Variants in NLGN4X observed in about 807,000 individuals in gnomAD.
NLGN4X encodes the protein neuroligin-4, X-linked.
A neutral mutation model predicts 40.3 loss-of-function variants in NLGN4X; 3 were observed. The observed-to-expected ratio is 0.07, with a 90% CI of 0.03 to 0.19. The LOEUF is 0.19. Among genes scored for constraint, NLGN4X ranks in the 10% least tolerant of loss-of-function variants. NLGN4X has a pLI of 1.00. For synonymous variants in NLGN4X, 270 were observed against 306.8 expected (o/e 0.88, Z 1.25); for missense variants, 382 against 708.3 (o/e 0.54, Z 5.23).
chrX:6,160,898 A>G (rs2040372983), intron 1 of NLGN4X, among the ~76,000 whole-genome samples: 1 of 103,718 alleles, frequency 9.6e-6, no homozygotes. Flanking sequence ...ATAATATAAA[A>G]TATATTATTC....
chrX:6,215,081 T>C (rs1185129221), intron 1 of NLGN4X, among the ~76,000 whole-genome samples: 1 of 112,217 alleles, frequency 8.9e-6, no homozygotes, highest in Non-Finnish European at 1.9e-5. Context: ...TCTGTTTAAA[T>C]CGCTGCTGCA....
At chrX:6,051,342 C>A (rs556983154) in intron 2 of NLGN4X, among the ~76,000 whole-genome samples, 1 of 111,567 alleles carries the variant, frequency 9.0e-6, no homozygotes, top group African/African-American at 3.3e-5. Flanking sequence ...GAAAGCAAAA[C>A]CATGGATAAA....
chrX:6,077,268 TTTTGTGTGTGTGTG>T (rs1406575793), intron 2 of NLGN4X, among the ~76,000 whole-genome samples: 1 of 99,382 alleles, frequency 1.0e-5, no homozygotes, highest in African/African-American at 3.6e-5. Flanking sequence ...CAAAATTTTA[TTTTGTGTGTGTGTG>T]TGTGTGTGTG....
intron 2 of NLGN4X, among the ~76,000 whole-genome samples, chrX:6,082,687 G>T (rs1050354360): frequency 1.8e-5 from 2 of 110,744 alleles, no homozygotes; most frequent in Non-Finnish European, 3.8e-5. Context: ...TGAATGACTG[G>T]GATCTTCCCA....
At chrX:6,196,589 A>G (rs1289472543) in intron 1 of NLGN4X, among the ~76,000 whole-genome samples, 2 of 98,210 alleles carry the variant, frequency 2.0e-5, no homozygotes, top group East Asian at 3.1e-4. Context: ...AAAGTGTCTC[A>G]TGTGTAGTCA....
At chrX:6,215,204 T>A (rs748657618) in intron 1 of NLGN4X, among the ~76,000 whole-genome samples, 1 of 112,298 alleles carries the variant, frequency 8.9e-6, no homozygotes, top group Non-Finnish European at 1.9e-5. Flanking sequence ...AGCAGATATG[T>A]TAAAAATTGG....
In NLGN4X at chrX:6,151,421, G is replaced by A. The variant is rs1289752129; in HGVS notation, c.46C>T (p.Pro16Ser). Residue 16 changes from proline (P) to serine (S), a missense_variant, in exon 2 of 6, where the codon CCG becomes TCG. By Grantham distance (74) the Pro-to-Ser change is moderately conservative (BLOSUM62 -1). Coordinates refer to ENST00000381095, the MANE Select transcript of NLGN4X (RefSeq NM_181332.3). ...TTGGAGTTTAACATGACGCAGACCG[G>A]GGTGAACAACAAAGGAAGCCATAGC... The part of the protein sequence containing the change: ...GLLWLPLLFT[P>S]VCVMLNSNVL... 4 of 1,209,660 alleles carry A rather than the reference G, an allele frequency of 3.3e-6. No homozygotes were observed. Among genetic ancestry groups the A allele is most frequent in the Non-Finnish European group, 4.5e-6 (4 of 895,078 alleles).
intron 5 of NLGN4X, among the ~76,000 whole-genome samples, chrX:5,899,166 A>T (rs928970110): frequency 4.4e-5 from 5 of 112,437 alleles, no homozygotes; most frequent in African/African-American, 1.6e-4. Context: ...CATTTGAGTC[A>T]TTCTAATACC....
At chrX:5,902,489 C>A (rs989036294) in intron 5 of NLGN4X, among the ~76,000 whole-genome samples, 2 of 109,578 alleles carry the variant, frequency 1.8e-5, no homozygotes, top group Non-Finnish European at 3.8e-5. Context: ...TATACTCCAG[C>A]CTAGGCAACA....
At chrX:6,134,003 A>C (rs1469652757) in intron 2 of NLGN4X, among the ~76,000 whole-genome samples, 3 of 111,487 alleles carry the variant, frequency 2.7e-5, no homozygotes, top group Non-Finnish European at 3.8e-5. Context: ...TAAACCCTTC[A>C]CAAAAACAGC....
intron 1 of NLGN4X, among the ~76,000 whole-genome samples, chrX:6,221,430 T>TATATATATATATATA (rs1925700370): frequency 1.3e-4 from 12 of 91,932 alleles, no homozygotes; most frequent in Non-Finnish European, 1.3e-4. Flanking sequence ...TATATATATA[T>TATATATATATATATA]TTGCTTTTAT....
At chrX:6,049,794 T>G (rs1846408329) in intron 2 of NLGN4X, among the ~76,000 whole-genome samples, 1 of 105,170 alleles carries the variant, frequency 9.5e-6, no homozygotes, top group Admixed American at 1.0e-4. Flanking sequence ...TAATGCCAAG[T>G]AAATTTTTTA....
intron 2 of NLGN4X, among the ~76,000 whole-genome samples, chrX:6,060,270 T>C (rs1002349646): frequency 8.9e-6 from 1 of 111,919 alleles, no homozygotes; most frequent in African/African-American, 3.2e-5. Flanking sequence ...GTTATTTCCA[T>C]AATGAGGATG....
chrX:6,062,911 G>A (rs568378836), intron 2 of NLGN4X, among the ~76,000 whole-genome samples: 2 of 110,929 alleles, frequency 1.8e-5, no homozygotes, highest in African/African-American at 6.6e-5. Flanking sequence ...GGCAGCTTGA[G>A]AACAGACTAA....
intron 3 of NLGN4X, among the ~76,000 whole-genome samples, chrX:5,918,404 C>T (rs1014147138): frequency 3.6e-5 from 4 of 111,596 alleles, no homozygotes; most frequent in African/African-American, 6.5e-5. Context: ...ATATATTAGA[C>T]GAATTAGAAC....
chrX:6,116,478 C>T (rs1475904007), intron 2 of NLGN4X, among the ~76,000 whole-genome samples: 3 of 76,007 alleles, frequency 3.9e-5, no homozygotes, highest in South Asian at 1.0e-3. Context: ...TGCAATGGCA[C>T]GATTTCAGTT....
chrX:5,996,471 T>C (rs1235265029), intron 3 of NLGN4X, among the ~76,000 whole-genome samples: 1 of 110,966 alleles, frequency 9.0e-6, no homozygotes. Flanking sequence ...GGCTGTGGGA[T>C]AATGAACAGC....
At chrX:5,903,927 A>T in intron 4 of NLGN4X, 61 bp from the exon 5 acceptor site, 1 of 1,170,977 alleles carries the variant, frequency 8.5e-7, no homozygotes, top group Admixed American at 2.2e-5. Context: ...TGCAGCTTTT[A>T]CTGAGCAATG....
Position 5,988,741 on chromosome X carries a change from G to A in NLGN4X, c.625+40539C>T, listed in dbSNP as rs5961394. On this transcript the variant is annotated intron_variant, in intron 3 of 5. Coordinates refer to ENST00000381095, the MANE Select transcript of NLGN4X (RefSeq NM_181332.3). Reference sequence around the variant, plus strand: ...GCATATGCCTGGCATTTAGCTCAATGCATTTTGATTTTCTTTTCAATGTGC... The same window carrying A: ...GCATATGCCTGGCATTTAGCTCAATACATTTTGATTTTCTTTTCAATGTGC... Among the ~76,000 whole-genome samples the A allele has an allele frequency of 4.7e-3, 530 of 112,673 alleles. 1 individual carries two copies. Among genetic ancestry groups the A allele is most frequent in the Middle Eastern group, 0.042 (9 of 216 alleles).
Sources: gnomAD v4.1 joint callset for allele counts (sites outside exome capture counted in the v4.1 genomes callset) on GRCh38, gnomAD v4.1.1 for gene constraint, MANE v1.5 for transcripts, NCBI Gene and HGNC (gene_info 2026-07-23, HGNC 2026-07-21) for gene names.